Variants in GXYLT1 observed in about 807,000 individuals in gnomAD.
The protein encoded by GXYLT1 is glucoside xylosyltransferase 1, also known as glycosyltransferase 8 domain containing 3.
Under a neutral mutation model 54.0 loss-of-function variants are expected in GXYLT1, and 29 were observed. That is an observed-to-expected ratio of 0.54 (90% CI 0.40 to 0.73). The LOEUF is 0.73. Among genes scored for constraint, GXYLT1 ranks in the 30% least tolerant of loss-of-function variants. GXYLT1 has a pLI of 0.00. For missense variants in GXYLT1, 490 were observed against 553.4 expected (o/e 0.89, Z 1.15); for synonymous variants, 176 against 204.1 (o/e 0.86, Z 1.17).
In GXYLT1 at chr12:42,144,545, C is replaced by T. The variant is rs1262664316; in HGVS notation, c.102G>A (p.Thr34=). 2.1e-6 allele frequency: 3 copies of T among 1,446,816 alleles called. No individual in the cohort carries two copies. The highest frequency in any genetic ancestry group is 2.8e-5 in the South Asian group (2 of 72,130). 89.6% of individuals were successfully genotyped at this position (1,446,816 alleles called of 1,614,324 possible). A position where few individuals can be genotyped will look rare whatever the true frequency, so the allele number is the denominator to read the frequency against. The change falls in exon 1 of 8, where the codon ACG becomes ACA. Residue 34 remains threonine, a synonymous_variant. Transcript: ENST00000398675. ...SQLAVSLEEG[T]GGGGGKPQAA... Reference sequence around the variant, plus strand: ...CCTGCGGCTTCCCGCCACCGCCGCCCGTTCCTTCTTCCAGGGACACGGCGA... The same window carrying T: ...CCTGCGGCTTCCCGCCACCGCCGCCTGTTCCTTCTTCCAGGGACACGGCGA...
intron 7 of GXYLT1, among the ~76,000 whole-genome samples, chr12:42,094,556 G>A (rs1435404823): frequency 1.3e-5 from 2 of 151,612 alleles, no homozygotes; most frequent in Non-Finnish European, 2.9e-5. Flanking sequence ...CTACTTAGGA[G>A]GCTGAGGTGG....
intron 2 of GXYLT1, among the ~76,000 whole-genome samples, chr12:42,127,347 G>A (rs1255376202): frequency 2.8e-5 from 3 of 107,158 alleles, no homozygotes; most frequent in Non-Finnish European, 6.2e-5. Flanking sequence ...GACACAAAAT[G>A]TTTGCTTTTT....
chr12:42,138,844 G>A (rs933730500), intron 1 of GXYLT1, among the ~76,000 whole-genome samples: 27 of 151,920 alleles, frequency 1.8e-4, no homozygotes, highest in African/African-American at 6.3e-4. Flanking sequence ...GGCCAACACG[G>A]TGAAACCCCG....
intron 5 of GXYLT1, among the ~76,000 whole-genome samples, chr12:42,101,125 A>C (rs1301661889): frequency 6.6e-6 from 1 of 152,138 alleles, no homozygotes; most frequent in Non-Finnish European, 1.5e-5. Flanking sequence ...TTTGCTAATG[A>C]TATAACCTAG....
Position 42,123,749 on chromosome 12 carries a change from A to T in GXYLT1, c.315-4578T>A, listed in dbSNP as rs537545766. Among the ~76,000 whole-genome samples the T allele has an allele frequency of 2.0e-5, 3 of 152,200 alleles. No homozygotes were observed. In the South Asian group the frequency reaches 6.2e-4, roughly 32 times the overall value. On this transcript the variant is annotated intron_variant, in intron 2 of 7. Coordinates refer to ENST00000398675, the MANE Select transcript of GXYLT1 (RefSeq NM_173601.2). Reference sequence around the variant, plus strand: ...CTACAAACTACCATTGAAGTATATAAAGTCAAATTAAACAATTAAATTTCA... The same window carrying T: ...CTACAAACTACCATTGAAGTATATATAGTCAAATTAAACAATTAAATTTCA...
intron 2 of GXYLT1, among the ~76,000 whole-genome samples, chr12:42,121,259 G>C (rs2136907680): frequency 6.6e-6 from 1 of 152,328 alleles, no homozygotes; most frequent in Admixed American, 6.5e-5. Context: ...GATTTTAAAA[G>C]TAAGGCATAA....
chr12:42,091,213 G>A (rs1347058799), intron 7 of GXYLT1, among the ~76,000 whole-genome samples: 3 of 152,094 alleles, frequency 2.0e-5, no homozygotes, highest in Admixed American at 2.0e-4. Context: ...ATGAATAAAT[G>A]TAAGCTGTAG....
Position 42,097,073 on chromosome 12 carries a change from C to T in GXYLT1, c.1161+369G>A, listed in dbSNP as rs73280061. ...TGTTCTAGATCAAAAGAGAGTAAAG[C>T]CATATGGATGGCAGATTAATGTATT... On this transcript the variant is annotated intron_variant, in intron 7 of 7. Transcript: ENST00000398675. 3.8e-3 allele frequency among the ~76,000 whole-genome samples: 584 copies of T among 152,028 alleles called. 4 individuals are homozygous for T. Among genetic ancestry groups the T allele is most frequent in the African/African-American group, 0.013 (533 of 41,488 alleles).
At chr12:42,098,174 TC>T in intron 5 of GXYLT1, 141 bp from the exon 6 acceptor site, 2 of 750,010 alleles carry the variant, frequency 2.7e-6, no homozygotes, top group Non-Finnish European at 4.4e-6. Context: ...AAGTGACATT[TC>T]TAACCCTAAA....
intron 3 of GXYLT1, among the ~76,000 whole-genome samples, chr12:42,113,938 C>A (rs960537271): frequency 6.6e-6 from 1 of 151,944 alleles, no homozygotes; most frequent in Admixed American, 6.5e-5. Context: ...TCTCTCAGAC[C>A]ACAGTGCAAT....
intron 1 of GXYLT1, among the ~76,000 whole-genome samples, chr12:42,134,281 A>G (rs759799370): frequency 5.3e-5 from 8 of 152,050 alleles, no homozygotes; most frequent in Non-Finnish European, 1.2e-4. Context: ...GCAATCCAAT[A>G]CCTCATCTCA....
At chr12:42,097,381 A>G in intron 7 of GXYLT1, 61 bp downstream of exon 7, 1 of 1,303,980 alleles carries the variant, frequency 7.7e-7, no homozygotes, top group Non-Finnish European at 1.0e-6. Context: ...TTTGTAAACT[A>G]ACCATTAGCT....
rs370368709 is a variant in GXYLT1, at chr12:42,109,719, A to T, written c.487-28T>A. 2.9e-6 allele frequency: 4 copies of T among 1,375,860 alleles called. No individual in the cohort carries two copies. In the South Asian group the frequency reaches 4.0e-5, roughly 14 times the overall value. The allele number at this position is 1,375,860 out of a possible 1,614,324, so 85.2% of individuals were successfully genotyped here. On this transcript the variant is annotated intron_variant, in intron 3 of 7. Transcript: ENST00000398675. ...AAAACAATTTAAAAAAAAACTGTTT[A>T]GTTTCACTCTGAATTTTCTCTGTAA...
chr12:42,123,990 G>A (rs2065546337), intron 2 of GXYLT1, among the ~76,000 whole-genome samples: 1 of 147,272 alleles, frequency 6.8e-6, no homozygotes. Context: ...ATCATACCAG[G>A]CAAAATTACT....
chr12:42,099,450 G>A (rs187233541), intron 5 of GXYLT1, among the ~76,000 whole-genome samples: 148 of 152,222 alleles, frequency 9.7e-4, no homozygotes, highest in Non-Finnish European at 1.6e-3. Flanking sequence ...AATATGTCAC[G>A]CAAATAATAA....
intron 4 of GXYLT1, among the ~76,000 whole-genome samples, chr12:42,108,441 C>G (rs979242753): frequency 6.6e-6 from 1 of 152,164 alleles, no homozygotes; most frequent in Admixed American, 6.5e-5. Context: ...CCCAGCACTT[C>G]AGTATAGATG....
chr12:42,120,484 C>G (rs1364205014), intron 2 of GXYLT1, among the ~76,000 whole-genome samples: 1 of 152,100 alleles, frequency 6.6e-6, no homozygotes, highest in African/African-American at 2.4e-5. Flanking sequence ...TTCTGCTGTG[C>G]CACTTCTTTC....
At position 42,083,072 on chromosome 12, in the gene GXYLT1, AT is replaced by A. The variant is rs1367752502; in HGVS notation, c.*4713del. The stretch of plus-strand genomic sequence containing the variant: ...AATGAGGTGATAATAAATATTTTCT[AT>A]TTAAGTCTGACATTGATTTGCAATC... On this transcript the variant is annotated 3_prime_UTR_variant, in exon 8 of 8. Coordinates refer to ENST00000398675, the MANE Select transcript of GXYLT1 (RefSeq NM_173601.2). 6.6e-6 allele frequency: 1 copy of A among 152,236 alleles called. No homozygotes were observed. The highest frequency in any genetic ancestry group is 1.5e-5 in the Non-Finnish European group (1 of 68,030). 9.4% of individuals were successfully genotyped at this position (152,236 alleles called of 1,614,324 possible).
rs150691245 is a variant in GXYLT1 at position 42,120,571 on chromosome 12, C to G, written c.315-1400G>C. ...TTAGAGACAGGGTCTCACTCTATCACCCATGATGGAGTACAGTGGTGCATT... is the reference window on the plus strand; with the variant it reads ...TTAGAGACAGGGTCTCACTCTATCAGCCATGATGGAGTACAGTGGTGCATT... On this transcript the variant is annotated intron_variant, in intron 2 of 7. Coordinates refer to ENST00000398675, the MANE Select transcript of GXYLT1 (RefSeq NM_173601.2). Among the ~76,000 whole-genome samples, 43 of 152,248 alleles carry G rather than the reference C, an allele frequency of 2.8e-4. No homozygotes were observed. In the East Asian group the frequency reaches 4.2e-3, roughly 15 times the overall value.
Sources: gnomAD v4.1 joint callset for allele counts (sites outside exome capture counted in the v4.1 genomes callset) on GRCh38, gnomAD v4.1.1 for gene constraint, MANE v1.5 for transcripts, NCBI Gene and HGNC (gene_info 2026-07-23, HGNC 2026-07-21) for gene names.